The following ST8SIA2 variants were observed in gnomAD, a reference collection of about 807,000 sequenced individuals.
ST8SIA2 encodes the protein alpha-2,8-sialyltransferase 8B.
In ST8SIA2, 22 loss-of-function variants were observed where a neutral mutation model predicts 37.6. The observed-to-expected ratio is 0.58, with a 90% CI of 0.42 to 0.83. ST8SIA2 has a LOEUF of 0.83. Ranked by LOEUF, ST8SIA2 falls within the 40% of genes least tolerant of loss-of-function variation. The pLI, the probability that ST8SIA2 is intolerant of heterozygous loss-of-function variation, is 0.00. For missense variants in ST8SIA2, 382 were observed against 484.7 expected, an observed-to-expected ratio of 0.79 and a Z score of 1.99; for synonymous variants, 205 against 201.2, an observed-to-expected ratio of 1.02 and a Z score of -0.16.
chr15:92,421,453 G>A (rs2049633360), intron 1 of ST8SIA2, among the ~76,000 whole-genome samples: 1 of 152,114 alleles, frequency 6.6e-6, no homozygotes, highest in Non-Finnish European at 1.5e-5. Flanking sequence ...TTCAAAAGAA[G>A]AATAACATCA....
At chr15:92,445,888 A>G (rs76650349) in intron 5 of ST8SIA2, among the ~76,000 whole-genome samples, 4 of 152,298 alleles carry the variant, frequency 2.6e-5, no homozygotes, top group South Asian at 2.1e-4. Flanking sequence ...GTTTCCTCCC[A>G]TTCATGTGAC....
chr15:92,397,861 G>A (rs548675673), intron 1 of ST8SIA2, among the ~76,000 whole-genome samples: 8 of 152,198 alleles, frequency 5.3e-5, no homozygotes, highest in Admixed American at 4.6e-4. Flanking sequence ...GGCCGGGAAC[G>A]GTGGCTCACG....
At chr15:92,401,115 G>T (rs991492518) in intron 1 of ST8SIA2, among the ~76,000 whole-genome samples, 1 of 152,096 alleles carries the variant, frequency 6.6e-6, no homozygotes, top group African/African-American at 2.4e-5. Flanking sequence ...ATGAGTTAGA[G>T]ACAGTTGGGA....
intron 5 of ST8SIA2, among the ~76,000 whole-genome samples, chr15:92,461,044 G>A (rs28480546): frequency 0.032 from 4,836 of 152,268 alleles, 279 homozygotes; most frequent in African/African-American, 0.11. Flanking sequence ...GAGAGAGAAA[G>A]GGGCATGAAA....
At chr15:92,396,629 G>A (rs1485292096) in intron 1 of ST8SIA2, among the ~76,000 whole-genome samples, 1 of 152,006 alleles carries the variant, frequency 6.6e-6, no homozygotes, top group Non-Finnish European at 1.5e-5. Flanking sequence ...GAGTAGCTGG[G>A]ATTACAGGCA....
At chr15:92,458,395 G>C (rs1322790115) in intron 5 of ST8SIA2, among the ~76,000 whole-genome samples, 1 of 152,220 alleles carries the variant, frequency 6.6e-6, no homozygotes, top group East Asian at 1.9e-4. Context: ...CCAGTTACCA[G>C]AGATGCCAGG....
chr15:92,396,027 T>G (rs1191245894), intron 1 of ST8SIA2, among the ~76,000 whole-genome samples: 1 of 152,194 alleles, frequency 6.6e-6, no homozygotes. Flanking sequence ...CCACATCAGG[T>G]TGTTCCCATA....
intron 5 of ST8SIA2, among the ~76,000 whole-genome samples, chr15:92,454,506 C>G (rs886334892): frequency 6.6e-6 from 1 of 152,104 alleles, no homozygotes; most frequent in Admixed American, 6.5e-5. Context: ...GTTAGATGGC[C>G]TCCCTTCCCA....
intron 2 of ST8SIA2, among the ~76,000 whole-genome samples, chr15:92,433,800 G>A (rs1003640181): frequency 1.3e-5 from 2 of 152,162 alleles, no homozygotes; most frequent in Non-Finnish European, 2.9e-5. Context: ...CAGGGAGGAG[G>A]GTGAAGCCAC....
In ST8SIA2 at chr15:92,434,308, A is replaced by G. The variant is rs146203801; in HGVS notation, c.223A>G (p.Ile75Val). 3.9e-5 allele frequency: 63 copies of G among 1,614,038 alleles called. No individual in the cohort carries two copies. Among genetic ancestry groups the G allele is most frequent in the Admixed American group, 2.7e-4 (16 of 59,996 alleles). The change falls in exon 3 of 6, where the codon ATC (isoleucine) becomes GTC (valine). Residue 75 changes from isoleucine to valine, a missense_variant. Transcript: ENST00000268164. ...TGTTGTTGACAGAAGTAATGAAAGC[A>G]TCAAGCACAACATCCAGCCAGCCTC... ...PAVVDRSNES[I>V]KHNIQPASSK...
At chr15:92,418,090 T>A (rs2049600943) in intron 1 of ST8SIA2, among the ~76,000 whole-genome samples, 2 of 152,126 alleles carry the variant, frequency 1.3e-5, no homozygotes, top group Non-Finnish European at 2.9e-5. Context: ...GCTTGCTGGG[T>A]GGCCCTGGGC....
At chr15:92,402,227 A>C (rs1339622572) in intron 1 of ST8SIA2, among the ~76,000 whole-genome samples, 1 of 152,206 alleles carries the variant, frequency 6.6e-6, no homozygotes, top group Non-Finnish European at 1.5e-5. Context: ...CACTCCTCAC[A>C]TATTTTCTTC....
intron 5 of ST8SIA2, among the ~76,000 whole-genome samples, chr15:92,456,613 G>C (rs1291810262): frequency 6.6e-6 from 1 of 152,182 alleles, no homozygotes; most frequent in East Asian, 1.9e-4. Context: ...GCAGGAAGTG[G>C]CTTCAAAGCC....
chr15:92,434,208 ACAT>A, intron 2 of ST8SIA2, 36 bp from the exon 3 acceptor site: 1 of 1,612,966 alleles, frequency 6.2e-7, no homozygotes, highest in African/African-American at 1.3e-5. Flanking sequence ...GCTTGCTAAC[ACAT>A]CATGTCTACC....
rs2049591640 is a variant in ST8SIA2 at position 92,416,964 on chromosome 15, A to C, written c.99-13085A>C. Among the ~76,000 whole-genome samples the C allele has an allele frequency of 2.0e-5, 3 of 152,206 alleles. No individual in the cohort carries two copies. The South Asian group carries it at 6.2e-4, about 31-fold the overall frequency. ...TTCTCCCTAATGGACTGCACTCTTC[A>C]AAACCAACTTACCCAAGGACAGCTT... On this transcript the variant is annotated intron_variant, in intron 1 of 5. Coordinates refer to ENST00000268164, the MANE Select transcript of ST8SIA2 (RefSeq NM_006011.4).
chr15:92,437,042 T>G (rs2049764162), intron 3 of ST8SIA2, among the ~76,000 whole-genome samples: 1 of 152,140 alleles, frequency 6.6e-6, no homozygotes, highest in Non-Finnish European at 1.5e-5. Context: ...GTTGTGAACA[T>G]CTCAAATCCA....
At chr15:92,411,105 C>G (rs1406712486) in intron 1 of ST8SIA2, among the ~76,000 whole-genome samples, 1 of 152,204 alleles carries the variant, frequency 6.6e-6, no homozygotes, top group African/African-American at 2.4e-5. Flanking sequence ...TTTGGTTTAA[C>G]ATGGGGTCCG....
At chr15:92,419,020 G>A (rs1194354571) in intron 1 of ST8SIA2, among the ~76,000 whole-genome samples, 1 of 152,062 alleles carries the variant, frequency 6.6e-6, no homozygotes. Flanking sequence ...TGCCCAAGGG[G>A]ACATTTGCCT....
chr15:92,436,859 C>T lies in ST8SIA2; in HGVS notation c.291-1494C>T, dbSNP rs551134488. ...TGTTCTAGCTGCCCCCTGGCTGCCCCGGAGGCTCTTGAACCTGGACACACA... is the reference window on the plus strand; with the variant it reads ...TGTTCTAGCTGCCCCCTGGCTGCCCTGGAGGCTCTTGAACCTGGACACACA... On this transcript the variant is annotated intron_variant, in intron 3 of 5. Transcript: ENST00000268164. 1.2e-4 allele frequency among the ~76,000 whole-genome samples: 19 copies of T among 152,256 alleles called. No individual in the cohort carries two copies. The South Asian group carries it at 3.7e-3, about 30-fold the overall frequency.
Sources: allele counts gnomAD v4.1 joint callset (sites outside exome capture counted in the v4.1 genomes callset), GRCh38; gene constraint gnomAD v4.1.1; transcripts MANE v1.5; gene names NCBI Gene and HGNC (gene_info 2026-07-23, HGNC 2026-07-21).